ODAD4: variants seen among roughly 807,000 people sequenced by gnomAD.
ODAD4 encodes the protein outer dynein arm-docking complex subunit 4.
In ODAD4, 49 loss-of-function variants were observed where a neutral mutation model predicts 51.8. The ratio of observed to expected loss-of-function variants is 0.95; its 90% CI spans 0.75 to 1.20. ODAD4 has a LOEUF of 1.20. Ranked by LOEUF, ODAD4 falls within the 50% of genes most tolerant of loss-of-function variation. The pLI is 0.00. For synonymous variants in ODAD4, 235 were observed against 221.3 expected, an observed-to-expected ratio of 1.06 and a Z score of -0.55; for missense variants, 590 against 586.5, an observed-to-expected ratio of 1.01 and a Z score of -0.06.
chr17:41,934,363 G>GT (rs1467943543), intron 1 of ODAD4, among the ~76,000 whole-genome samples: 3 of 143,828 alleles, frequency 2.1e-5, no homozygotes, highest in South Asian at 4.5e-4. Flanking sequence ...GTTTTGTTTT[G>GT]TTTTTTGAGA....
chr17:41,940,719 T>A (rs943520669), intron 7 of ODAD4, among the ~76,000 whole-genome samples: 1 of 152,146 alleles, frequency 6.6e-6, no homozygotes, highest in Non-Finnish European at 1.5e-5. Flanking sequence ...CTGTGGGGAT[T>A]AGATGTGATG....
intron 10 of ODAD4, among the ~76,000 whole-genome samples, chr17:41,956,319 G>A (rs941875865): frequency 1.1e-4 from 17 of 151,532 alleles, no homozygotes; most frequent in Non-Finnish European, 1.8e-4. Flanking sequence ...AAAGTGCTGG[G>A]ATTATAGGTG....
At chr17:41,952,583 AGAATAATCCTGAAT>A (rs1268143783) in intron 9 of ODAD4, 1 of 421,766 alleles carries the variant, frequency 2.4e-6, no homozygotes, top group Non-Finnish European at 4.7e-6. Flanking sequence ...AAAGAATGAA[AGAATAATCCTGAAT>A]GATTTACTCT....
rs544506056 is a variant in ODAD4 at position 41,955,299 on chromosome 17, G to A, written c.1425G>A (p.Ala475=). The part of the protein sequence containing the change: ...ERAKLVHNNE[A]QQAIISALDD... Reference sequence around the variant, plus strand: ...CAAAGCTTGTGCATAACAACGAGGCGCAGCAGGCCATCATCAGTGTGAGCC... The same window carrying A: ...CAAAGCTTGTGCATAACAACGAGGCACAGCAGGCCATCATCAGTGTGAGCC... Residue 475 remains alanine, a synonymous_variant, in exon 10 of 12, where the codon GCG becomes GCA. Coordinates refer to ENST00000377540, the MANE Select transcript of ODAD4 (RefSeq NM_031421.5). The A allele has an allele frequency of 5.4e-5, 42 of 778,962 alleles. 1 individual carries two copies. Among genetic ancestry groups the A allele is most frequent in the South Asian group, 1.1e-4 (8 of 74,218 alleles). 48.3% of individuals were successfully genotyped at this position (778,962 alleles called of 1,614,324 possible). A position where few individuals can be genotyped will look rare whatever the true frequency, so the allele number is the denominator to read the frequency against.
Position 41,938,763 on chromosome 17 carries a change from C to G in ODAD4, c.832C>G (p.Leu278Val), listed in dbSNP as rs1555638262. ...SQTAHYILKS[L>V]EDIDMLLTSG... Reference sequence around the variant, plus strand: ...GACAGCCCATTACATCCTCAAGAGCCTGGAGGACATTGATATGTGTAGGTG... The same window carrying G: ...GACAGCCCATTACATCCTCAAGAGCGTGGAGGACATTGATATGTGTAGGTG... The change falls in exon 6 of 12, where the codon CTG becomes GTG. Residue 278 changes from leucine (L) to valine (V), a missense_variant. Around this residue, in one of 3 missense-constraint regions of ODAD4, gnomAD observed 360 missense variants for 407.5 expected, o/e 0.88. Coordinates refer to ENST00000377540, the MANE Select transcript of ODAD4 (RefSeq NM_031421.5). The G allele has an allele frequency of 6.2e-7, 1 of 1,613,260 alleles. No individual in the cohort carries two copies. The highest frequency in any genetic ancestry group is 1.3e-5 in the African/African-American group (1 of 74,924).
intron 9 of ODAD4, among the ~76,000 whole-genome samples, chr17:41,953,673 A>AGG (rs1555640596): frequency 2.0e-5 from 3 of 150,900 alleles, no homozygotes; most frequent in East Asian, 3.9e-4. Flanking sequence ...ATATATAGAG[A>AGG]GAGAGAGAGA....
intron 10 of ODAD4, among the ~76,000 whole-genome samples, chr17:41,960,324 C>T (rs1222301264): frequency 1.3e-5 from 2 of 151,574 alleles, no homozygotes; most frequent in Non-Finnish European, 1.5e-5. Context: ...AACAAACAAA[C>T]AAAAAAACAG....
chr17:41,931,964 T>A (rs1253799235), intron 1 of ODAD4, among the ~76,000 whole-genome samples: 1 of 151,204 alleles, frequency 6.6e-6, no homozygotes, highest in East Asian at 1.9e-4. Context: ...TCTTGCTCTG[T>A]CTCCAGGCTG....
At chr17:41,961,358 C>T in intron 10 of ODAD4, 24 bp from the exon 11 acceptor site, 3 of 730,812 alleles carry the variant, frequency 4.1e-6, no homozygotes, top group Non-Finnish European at 7.6e-6. Context: ...AACACAGGGG[C>T]TAAGCTCCCT....
At position 41,944,391 on chromosome 17, in the gene ODAD4, TACACACACACAC is replaced by T. The variant is rs1158342629; in HGVS notation, c.1059-702_1059-691del. Among the ~76,000 whole-genome samples, 12 of 78,760 alleles carry T rather than the reference TACACACACACAC, an allele frequency of 1.5e-4. 1 individual carries two copies. The highest frequency in any genetic ancestry group is 7.3e-4 in the African/African-American group (11 of 15,082). The allele number at this position is 78,760 out of a possible 152,430, so 51.7% of individuals were successfully genotyped here. On this transcript the variant is annotated intron_variant, in intron 7 of 11. Coordinates refer to ENST00000377540, the MANE Select transcript of ODAD4 (RefSeq NM_031421.5). ...AAAACAAACAAACCCCAAACACACA[TACACACACACAC>T]ACACACACACACACACACACACACA...
chr17:41,955,052 G>T, intron 9 of ODAD4, 165 bp from the exon 10 acceptor site: 1 of 712,150 alleles, frequency 1.4e-6, no homozygotes, highest in African/African-American at 1.7e-5. Context: ...CGGTGGAAAG[G>T]ATGGTGCTGA....
intron 11 of ODAD4, among the ~76,000 whole-genome samples, chr17:41,963,319 G>C (rs2050830308): frequency 1.3e-5 from 2 of 152,126 alleles, no homozygotes; most frequent in Admixed American, 1.3e-4. Context: ...AAAAATTTAG[G>C]AGCAAGGATC....
At position 41,933,865 on chromosome 17, in the gene ODAD4, C is replaced by T. The variant is rs144938888; in HGVS notation, c.115-1352C>T. On this transcript the variant is annotated intron_variant, in intron 1 of 11. Transcript: ENST00000377540. Reference sequence around the variant, plus strand: ...GTTAGATGCCTCAGGAAGGACAGTACACCACAGACTATGGTAATCATCTCA... The same window carrying T: ...GTTAGATGCCTCAGGAAGGACAGTATACCACAGACTATGGTAATCATCTCA... Among the ~76,000 whole-genome samples the T allele has an allele frequency of 1.7e-3, 258 of 151,870 alleles. 1 individual carries two copies. The highest frequency in any genetic ancestry group is 5.8e-3 in the African/African-American group (241 of 41,438).
At chr17:41,932,288 C>T (rs1239785390) in intron 1 of ODAD4, among the ~76,000 whole-genome samples, 4 of 151,994 alleles carry the variant, frequency 2.6e-5, no homozygotes, top group Admixed American at 6.6e-5. Flanking sequence ...AGGTTGATCT[C>T]GAACTCCCCA....
chr17:41,953,251 G>A (rs2144525192), intron 9 of ODAD4, among the ~76,000 whole-genome samples: 1 of 152,098 alleles, frequency 6.6e-6, no homozygotes, highest in East Asian at 1.9e-4. Context: ...AGTAGAGATG[G>A]GGTTTCACCA....
chr17:41,945,376 C>A (rs1362708649), intron 8 of ODAD4, 154 bp downstream of exon 8: 3 of 622,594 alleles, frequency 4.8e-6, no homozygotes, highest in Non-Finnish European at 8.4e-6. Context: ...GCCGCGCATA[C>A]TGTCCTGTGC....
At position 41,945,195 on chromosome 17, in the gene ODAD4, T is replaced by C. The variant is rs782488979; in HGVS notation, c.1118T>C (p.Val373Ala). Residue 373 changes from valine to alanine, a missense_variant, in exon 8 of 12, where the codon GTT (valine) becomes GCT (alanine). Val to Ala is a moderately conservative substitution (Grantham distance 64). Coordinates refer to ENST00000377540, the MANE Select transcript of ODAD4 (RefSeq NM_031421.5). ...AACATTGGCAGAGTTTTTGCCAGAG[T>C]TGGGAAATTCCAGCAAGCCATTGAC... is the stretch of plus-strand genomic sequence containing the variant. ...LDNIGRVFAR[V>A]GKFQQAIDTW... 43 of 1,613,154 alleles carry C rather than the reference T, an allele frequency of 2.7e-5. No homozygotes were observed. The highest frequency in any genetic ancestry group is 1.6e-4 in the East Asian group (7 of 44,892).
At chr17:41,960,071 A>C (rs1358392175) in intron 10 of ODAD4, among the ~76,000 whole-genome samples, 2 of 152,234 alleles carry the variant, frequency 1.3e-5, no homozygotes, top group African/African-American at 2.4e-5. Flanking sequence ...CCCTGCAGAC[A>C]GACAGCATGG....
In ODAD4 at chr17:41,935,547, A is replaced by T. The variant is rs182699216; in HGVS notation, c.247-52A>T. On this transcript the variant is annotated intron_variant, in intron 2 of 11. Transcript: ENST00000377540. ...GGACCCTTCTGTTCCACCACATGTG[A>T]GTCCTATAAGGCCTTATCTGTTCAC... The T allele has an allele frequency of 2.0e-5, 32 of 1,575,042 alleles. No individual in the cohort carries two copies. In the African/African-American group the frequency reaches 3.9e-4, roughly 19 times the overall value.
Sources: allele counts gnomAD v4.1 joint callset (sites outside exome capture counted in the v4.1 genomes callset), GRCh38; gene constraint gnomAD v4.1.1; regional missense constraint gnomAD v4.1.1; transcripts MANE v1.5; gene names NCBI Gene and HGNC (gene_info 2026-07-23, HGNC 2026-07-21).